Variants in NFXL1 observed in about 807,000 individuals in gnomAD.
NFXL1 encodes NF-X1-type zinc finger protein NFXL1.
A neutral mutation model predicts 123.3 loss-of-function variants in NFXL1; 66 were observed. The observed-to-expected ratio is 0.54, with a 90% CI of 0.44 to 0.66. NFXL1 has a LOEUF of 0.66. NFXL1 is among the 30% of genes least tolerant of loss of function. The pLI, the probability that NFXL1 is intolerant of heterozygous loss-of-function variation, is 0.00. For synonymous variants in NFXL1, 346 were observed against 360.8 expected (o/e 0.96, Z 0.46); for missense variants, 944 against 1,125.6 (o/e 0.84, Z 2.31).
rs1049638039 is a variant in NFXL1, at chr4:47,848,091, A to G, written c.*72T>C. ...ATATATATCATGTTCTATAATATAC[A>G]TTTTCTAATATTTCAAATTTAACAA... On this transcript the variant is annotated 3_prime_UTR_variant, in exon 23 of 23. Transcript: ENST00000507489. 1 of 931,464 alleles carries G rather than the reference A, an allele frequency of 1.1e-6. No individual in the cohort carries two copies. The highest frequency in any genetic ancestry group is 1.7e-5 in the African/African-American group (1 of 59,638). 57.7% of individuals were successfully genotyped at this position (931,464 alleles called of 1,614,324 possible).
rs530800623 is a variant in NFXL1 at position 47,885,558 on chromosome 4, T to C, written c.1764A>G (p.Lys588=). 284 of 1,614,006 alleles carry C rather than the reference T, an allele frequency of 1.8e-4. No homozygotes were observed. In the South Asian group the frequency reaches 2.9e-3, roughly 16 times the overall value. Residue 588 remains lysine (K), a synonymous_variant, in exon 14 of 23, where the codon AAA becomes AAG. Coordinates refer to ENST00000507489, the MANE Select transcript of NFXL1 (RefSeq NM_001278624.2). ...CHQPCQKVLE[K]CGHLCPAPCH... ...ACGGAGCAGGACACAAGTGACCACATTTCTCCAAAACTTTTTGGCAAGGTT... is the reference window on the plus strand; with the variant it reads ...ACGGAGCAGGACACAAGTGACCACACTTCTCCAAAACTTTTTGGCAAGGTT...
chr4:47,902,071 A>G (rs1380141172), intron 5 of NFXL1, among the ~76,000 whole-genome samples: 1 of 151,970 alleles, frequency 6.6e-6, no homozygotes, highest in Admixed American at 6.6e-5. Flanking sequence ...AATCCCACCT[A>G]CTCTGGAGGC....
chr4:47,896,129 T>C (rs1027502065), intron 10 of NFXL1, among the ~76,000 whole-genome samples: 5 of 152,216 alleles, frequency 3.3e-5, no homozygotes, highest in East Asian at 1.9e-4. Flanking sequence ...ACAATCACAA[T>C]AGTAACATCA....
intron 20 of NFXL1, among the ~76,000 whole-genome samples, chr4:47,853,982 T>A (rs10025104): frequency 6.6e-6 from 1 of 151,902 alleles, no homozygotes; most frequent in Admixed American, 6.6e-5. Context: ...GGGTGGCATA[T>A]GGCACTTGGA....
intron 2 of NFXL1, among the ~76,000 whole-genome samples, chr4:47,912,601 G>A (rs562972498): frequency 2.7e-5 from 4 of 149,846 alleles, no homozygotes; most frequent in Admixed American, 6.6e-5. Flanking sequence ...TGGGACTACA[G>A]GCGCCTGCCA....
chr4:47,890,834 C>A, intron 11 of NFXL1, 131 bp from the exon 12 acceptor site: 1 of 578,798 alleles, frequency 1.7e-6, no homozygotes, highest in Non-Finnish European at 3.1e-6. Flanking sequence ...TCAAGAATAT[C>A]AACATTCTTC....
In NFXL1 at chr4:47,848,212, C is replaced by A; in HGVS notation, c.2687G>T (p.Gly896Val). The A allele has an allele frequency of 6.2e-7, 1 of 1,612,608 alleles. No individual in the cohort carries two copies. Among genetic ancestry groups the A allele is most frequent in the Non-Finnish European group, 8.5e-7 (1 of 1,179,050 alleles). The part of the protein sequence containing the change: ...KHKYYLISVC[G>V]VVVVVFAWYI... ...CCAGGCAAACACTACAACCACAACT[C>A]CACACACTGAAATGAGATAATATTT... Residue 896 changes from glycine (G) to valine (V), a missense_variant, in exon 23 of 23, where the codon GGA becomes GTA. By Grantham distance (109) the Gly-to-Val change is moderately radical. Around this residue, in one of 4 missense-constraint regions of NFXL1, gnomAD observed 301 missense variants for 348.0 expected, o/e 0.86. Transcript: ENST00000507489.
chr4:47,910,667 A>G (rs1258294125), intron 3 of NFXL1, among the ~76,000 whole-genome samples, 157 bp downstream of exon 3: 4 of 152,222 alleles, frequency 2.6e-5, no homozygotes, highest in Admixed American at 6.5e-5. Flanking sequence ...CACAATATAT[A>G]ACTCAAATAC....
chr4:47,868,627 G>T (rs1735250218), intron 18 of NFXL1, among the ~76,000 whole-genome samples: 1 of 150,730 alleles, frequency 6.6e-6, no homozygotes, highest in Admixed American at 6.6e-5. Flanking sequence ...GGAGAAAATT[G>T]TAAGAGCAAA....
At chr4:47,870,118 G>A (rs1735341315) in intron 18 of NFXL1, among the ~76,000 whole-genome samples, 4 of 152,190 alleles carry the variant, frequency 2.6e-5, no homozygotes, top group Non-Finnish European at 4.4e-5. Context: ...AACCCTCAAT[G>A]ACCAGTTAAT....
Position 47,878,684 on chromosome 4 carries a change from T to C in NFXL1, c.1939-19A>G. 6.6e-7 allele frequency: 1 copy of C among 1,504,680 alleles called. No homozygotes were observed. The highest frequency in any genetic ancestry group is 1.4e-5 in the South Asian group (1 of 71,778). The allele number at this position is 1,504,680 out of a possible 1,614,324, so 93.2% of individuals were successfully genotyped here. A position where few individuals can be genotyped will look rare whatever the true frequency, so the allele number is the denominator to read the frequency against. The stretch of plus-strand genomic sequence containing the variant: ...GACTCACCTTAAAAAATAAAGGAAA[T>C]CAGCACAGCACACATTACTCAAACG... On this transcript the variant is annotated intron_variant, in intron 16 of 22. Transcript: ENST00000507489.
In NFXL1 at chr4:47,884,435, G is replaced by A. The variant is rs757235787; in HGVS notation, c.1827C>T (p.His609=). ...DQALIKQTGR[H]QPTGPWEQPS... is the part of the protein sequence containing the mutation. ...GCTGTTCCCAAGGGCCTGTAGGCTG[G>A]TGCTACAAATAAAATACATAAGAAT... The change falls in exon 15 of 23, where the codon CAC becomes CAT. Residue 609 remains histidine, a splice_region_variant and synonymous_variant. Coordinates refer to ENST00000507489, the MANE Select transcript of NFXL1 (RefSeq NM_001278624.2). The A allele has an allele frequency of 6.3e-6, 10 of 1,592,024 alleles. No individual in the cohort carries two copies. Among genetic ancestry groups the A allele is most frequent in the African/African-American group, 1.3e-5 (1 of 74,088 alleles).
chr4:47,882,889 G>C (rs935009944), intron 15 of NFXL1, among the ~76,000 whole-genome samples: 3 of 152,098 alleles, frequency 2.0e-5, no homozygotes, highest in African/African-American at 7.2e-5. Flanking sequence ...TTTACTCCAA[G>C]TAAAAAGACA....
chr4:47,853,742 T>C (rs573961072), intron 20 of NFXL1, among the ~76,000 whole-genome samples: 1 of 152,266 alleles, frequency 6.6e-6, no homozygotes, highest in East Asian at 1.9e-4. Flanking sequence ...AGATGATTGC[T>C]AGATGACGAG....
chr4:47,896,833 T>C (rs1737115782), intron 9 of NFXL1, 186 bp from the exon 10 acceptor site: 5 of 511,796 alleles, frequency 9.8e-6, no homozygotes, highest in Non-Finnish European at 1.7e-5. Context: ...AAGTTTATGG[T>C]TTTTAAAAAG....
chr4:47,904,022 T>C (rs1219207014), intron 4 of NFXL1, among the ~76,000 whole-genome samples: 2 of 152,238 alleles, frequency 1.3e-5, no homozygotes, highest in Non-Finnish European at 2.9e-5. Context: ...ACATGTAGCA[T>C]ATCGCATGAG....
intron 17 of NFXL1, among the ~76,000 whole-genome samples, chr4:47,875,867 A>G (rs544994892): frequency 1.1e-4 from 17 of 152,312 alleles, no homozygotes; most frequent in African/African-American, 3.4e-4. Context: ...AAATAAATGT[A>G]CCTCAACGTA....
chr4:47,913,148 T>C (rs1018565086), intron 2 of NFXL1, among the ~76,000 whole-genome samples: 1 of 152,026 alleles, frequency 6.6e-6, no homozygotes, highest in Non-Finnish European at 1.5e-5. Flanking sequence ...GAAAAATCAT[T>C]CAAGATACTC....
intron 12 of NFXL1, among the ~76,000 whole-genome samples, chr4:47,887,268 G>A (rs1560595950): frequency 2.6e-5 from 4 of 152,120 alleles, no homozygotes. Flanking sequence ...ATCTTAAAGA[G>A]ACTGTTGCCT....
Sources: gnomAD v4.1 joint callset for allele counts (sites outside exome capture counted in the v4.1 genomes callset) on GRCh38, gnomAD v4.1.1 for gene constraint, gnomAD v4.1.1 regional missense constraint, MANE v1.5 for transcripts, NCBI Gene and HGNC (gene_info 2026-07-23, HGNC 2026-07-21) for gene names.